Variants in ZNF888 observed in about 807,000 individuals in gnomAD.
ZNF888 encodes the protein zinc finger protein 888.
A neutral mutation model predicts 7.2 loss-of-function variants in ZNF888; 5 were observed. The observed-to-expected ratio is 0.70, with a 90% confidence interval of 0.36 to 1.46. The LOEUF is 1.46. Among genes scored for constraint, ZNF888 ranks in the 40% most tolerant of loss-of-function variants. The pLI is 0.03. For synonymous variants in ZNF888, 240 were observed against 284.3 expected (o/e 0.84, Z 1.57); for missense variants, 716 against 858.0 (o/e 0.83, Z 2.07).
chr19:52,916,615 C>CATATACATATACATATACATATAG (rs374760326), intron 3 of ZNF888, among the ~76,000 whole-genome samples: 1 of 131,482 alleles, frequency 7.6e-6, no homozygotes, highest in African/African-American at 3.1e-5. Context: ...TATACATATA[C>CATATACATATACATATACATATAG]ATATATATAT....
At chr19:52,916,627 T>TATATATATATAC (rs2064754277) in intron 3 of ZNF888, among the ~76,000 whole-genome samples, 4 of 142,142 alleles carry the variant, frequency 2.8e-5, no homozygotes, top group African/African-American at 8.4e-5. Flanking sequence ...TATATATATA[T>TATATATATATAC]ATATATATAT....
intron 4 of ZNF888, chr19:52,913,611 A>C: frequency 1.6e-6 from 1 of 634,038 alleles, no homozygotes; most frequent in Non-Finnish European, 2.0e-6. Flanking sequence ...GGCGTGAGCC[A>C]CTGTACCCGG....
At chr19:52,916,083 T>G (rs1600686163) in intron 3 of ZNF888, among the ~76,000 whole-genome samples, 2 of 152,182 alleles carry the variant, frequency 1.3e-5, no homozygotes, top group South Asian at 4.1e-4. Flanking sequence ...GAGGCAGAGG[T>G]TGCAGTGATC....
intron 2 of ZNF888, chr19:52,918,268 T>C (rs1033180391): frequency 1.1e-5 from 10 of 932,778 alleles, no homozygotes; most frequent in African/African-American, 1.8e-5. Context: ...GGTAGGTACA[T>C]TGCTTGAGCT....
chr19:52,923,341 C>G, intron 1 of ZNF888, 28 bp downstream of exon 1: 1 of 985,880 alleles, frequency 1.0e-6, no homozygotes, highest in Non-Finnish European at 1.2e-6. Context: ...GGAGGCACAG[C>G]CTCAATACAA....
rs34481338 is a variant in ZNF888, at chr19:52,913,320, C to CTTTTTTTT, written c.142+1868_142+1875dup. Reference sequence around the variant, plus strand: ...AAGTAGTTTTTGCAGGTTATGGATTCTTTTTTTTTTTTTTTTTTTTTTGAG... The same window carrying CTTTTTTTT: ...AAGTAGTTTTTGCAGGTTATGGATTCTTTTTTTTTTTTTTTTTTTTTTTTTTTTTTGAG... On this transcript the variant is annotated intron_variant, in intron 4 of 4. Transcript: ENST00000638862. Among the ~76,000 whole-genome samples the CTTTTTTTT allele has an allele frequency of 1.2e-4, 11 of 92,080 alleles. 1 individual carries two copies. The highest frequency in any genetic ancestry group is 4.0e-4 in the South Asian group (1 of 2,512). 60.4% of individuals were successfully genotyped at this position (92,080 alleles called of 152,430 possible). A position where few individuals can be genotyped will look rare whatever the true frequency, so the allele number is the denominator to read the frequency against.
chr19:52,914,247 A>G (rs2064718419), intron 4 of ZNF888: 6 of 584,614 alleles, frequency 1.0e-5, no homozygotes, highest in Non-Finnish European at 1.1e-5. Context: ...CCCACACACT[A>G]TTTGAAGGTG....
chr19:52,908,245 A>G, intron 4 of ZNF888, 66 bp from the exon 5 acceptor site: 1 of 1,444,812 alleles, frequency 6.9e-7, no homozygotes, highest in Non-Finnish European at 9.7e-7. Context: ...TGAAACGTGT[A>G]AATATGACAC....
intron 1 of ZNF888, among the ~76,000 whole-genome samples, chr19:52,919,948 AG>A (rs1302218667): frequency 5.6e-4 from 29 of 52,190 alleles, no homozygotes; most frequent in Middle Eastern, 7.1e-3. Flanking sequence ...GGAAGTGAGG[AG>A]CCCCTCTGCC....
Position 52,907,072 on chromosome 19 carries a change from T to C in ZNF888, c.1250A>G (p.Lys417Arg). The part of the protein sequence containing the change: ...EKPYKCNECG[K>R]TFGENSALLV... ...GAGGGCTGAATTTTCACCAAACGTT[T>C]TGCCACACTCATTACACTTGTAAGG... The change falls in exon 5 of 5, where the codon AAA (lysine) becomes AGA (arginine). Residue 417 changes from lysine to arginine, a missense_variant. Lys to Arg is a conservative substitution (Grantham distance 26). This residue lies in a region of ZNF888 where 697 missense variants were observed against 803.4 expected (regional missense o/e 0.87). Coordinates refer to ENST00000638862, the MANE Select transcript of ZNF888 (RefSeq NM_001393938.1). 1 of 1,611,694 alleles carries C rather than the reference T, an allele frequency of 6.2e-7. No individual in the cohort carries two copies. Among genetic ancestry groups the C allele is most frequent in the Non-Finnish European group, 8.5e-7 (1 of 1,179,152 alleles).
At chr19:52,916,017 A>T (rs984892962) in intron 3 of ZNF888, among the ~76,000 whole-genome samples, 7 of 152,264 alleles carry the variant, frequency 4.6e-5, no homozygotes, top group Non-Finnish European at 7.3e-5. Flanking sequence ...GCAGTGACAC[A>T]TGCCTGTAGT....
chr19:52,909,773 T>C (rs985680924), intron 4 of ZNF888, among the ~76,000 whole-genome samples: 4 of 152,202 alleles, frequency 2.6e-5, no homozygotes, highest in South Asian at 2.1e-4. Context: ...AACTTGTTCT[T>C]ACCACCAGTA....
In ZNF888 at chr19:52,908,108, T is replaced by A; in HGVS notation, c.214A>T (p.Thr72Ser). The change falls in exon 5 of 5, where the codon ACA (threonine) becomes TCA (serine). Residue 72 changes from threonine to serine, a missense_variant. Physicochemically the swap from Thr to Ser is moderately conservative, Grantham distance 58 (BLOSUM62 1). Coordinates refer to ENST00000638862, the MANE Select transcript of ZNF888 (RefSeq NM_001393938.1). ...TGATGACTTGCCAGTCTTTGCAATG[T>A]CCCTGTGTGGATCACTTCTGTATTG... ...KGNTEVIHTG[T>S]LQRLASHHIG... 1 of 1,614,192 alleles carries A rather than the reference T, an allele frequency of 6.2e-7. No individual in the cohort carries two copies. Among genetic ancestry groups the A allele is most frequent in the South Asian group, 1.1e-5 (1 of 91,082 alleles).
chr19:52,923,363 A>C lies in ZNF888; in HGVS notation c.-178+6T>G. ...CAGCCTCAATACAACACAGAGCAAA[A>C]CTCACCGCCGCAGTGTGACTTCCAG... On this transcript the variant is annotated splice_donor_region_variant and intron_variant, in intron 1 of 4. Transcript: ENST00000638862. 5 of 985,728 alleles carry C rather than the reference A, an allele frequency of 5.1e-6. No homozygotes were observed. Among genetic ancestry groups the C allele is most frequent in the Non-Finnish European group, 6.0e-6 (5 of 829,982 alleles). The allele number at this position is 985,728 out of a possible 1,614,324, so 61.1% of individuals were successfully genotyped here.
intron 4 of ZNF888, among the ~76,000 whole-genome samples, chr19:52,911,347 T>C (rs1451737246): frequency 6.6e-6 from 1 of 150,856 alleles, no homozygotes; most frequent in Non-Finnish European, 1.5e-5. Flanking sequence ...CTTTTCTTTT[T>C]TTTTTTTTTG....
intron 3 of ZNF888, 117 bp downstream of exon 3, chr19:52,917,742 G>A (rs2064768155): frequency 6.5e-7 from 1 of 1,550,340 alleles, no homozygotes. Context: ...AGGCATGGGT[G>A]AGTGTGAGCA....
intron 4 of ZNF888, chr19:52,913,797 T>G (rs964974002): frequency 1.1e-6 from 1 of 938,584 alleles, no homozygotes; most frequent in African/African-American, 1.8e-5. Context: ...TTAAACCACT[T>G]ATATGTTTAC....
At chr19:52,912,169 C>A (rs8104558) in intron 4 of ZNF888, among the ~76,000 whole-genome samples, 164 of 145,594 alleles carry the variant, frequency 1.1e-3, no homozygotes, top group East Asian at 0.011. Flanking sequence ...GCTGGAGTGT[C>A]GTGGCAAGAT....
chr19:52,909,061 C>T (rs933664618), intron 4 of ZNF888, among the ~76,000 whole-genome samples: 3 of 151,672 alleles, frequency 2.0e-5, no homozygotes, highest in African/African-American at 7.3e-5. Flanking sequence ...AGGAGAATTG[C>T]TTGAACCCGG....
Sources: allele counts gnomAD v4.1 joint callset (sites outside exome capture counted in the v4.1 genomes callset), GRCh38; gene constraint gnomAD v4.1.1; regional missense constraint gnomAD v4.1.1; transcripts MANE v1.5; gene names NCBI Gene and HGNC (gene_info 2026-07-23, HGNC 2026-07-21).